ANKRD30B: variants seen among roughly 807,000 people sequenced by gnomAD.
ANKRD30B encodes ankyrin repeat domain 30B, also known as ankyrin repeat domain-containing protein 30B.
A neutral mutation model predicts 202.2 loss-of-function variants in ANKRD30B; 144 were observed. The ratio of observed to expected loss-of-function variants is 0.71; its 90% confidence interval spans 0.62 to 0.82. ANKRD30B has a LOEUF of 0.82. Ranked by LOEUF, ANKRD30B falls within the 40% of genes least tolerant of loss-of-function variation. The pLI is 0.00. For synonymous variants in ANKRD30B, 508 were observed against 561.3 expected (o/e 0.91, Z 1.34); for missense variants, 1,487 against 1,669.1 (o/e 0.89, Z 1.90).
At chr18:14,877,314 TGAATG>T in the ANKRD30B span, among the ~76,000 whole-genome samples, 1 of 118,254 alleles carries the variant, frequency 8.5e-6, no homozygotes, top group Non-Finnish European at 1.9e-5. Flanking sequence ...AAATGATGAA[TGAATG>T]AATGAATGAA....
chr18:14,764,421 G>A (rs1010493926), intron 7 of ANKRD30B, among the ~76,000 whole-genome samples: 6 of 151,804 alleles, frequency 4.0e-5, no homozygotes, highest in Admixed American at 1.3e-4. Context: ...ATGGAGTCTC[G>A]CACTGTTGCC....
the ANKRD30B span, among the ~76,000 whole-genome samples, chr18:14,890,969 C>A: frequency 6.6e-6 from 1 of 152,060 alleles, no homozygotes; most frequent in South Asian, 2.1e-4. Context: ...TTCCTTAAAT[C>A]CTGTATTTTA....
the ANKRD30B span, among the ~76,000 whole-genome samples, chr18:14,901,857 T>G: frequency 6.6e-6 from 1 of 152,184 alleles, no homozygotes; most frequent in Non-Finnish European, 1.5e-5. Context: ...CTGTTAAACC[T>G]TTGGAAGAAC....
In ANKRD30B at chr18:14,831,379, C is replaced by G; in HGVS notation, c.2775-4C>G. On this transcript the variant is annotated splice_region_variant and splice_polypyrimidine_tract_variant and intron_variant, in intron 33 of 43. Coordinates refer to ENST00000690538, the MANE Select transcript of ANKRD30B (RefSeq NM_001367607.2). ...CTCATTTTTGTTTTATCTTTTTTCT[C>G]TAGTCTTTTTGGCAAACCGACTACT... is the stretch of plus-strand genomic sequence containing the variant. The G allele has an allele frequency of 6.7e-7, 1 of 1,487,454 alleles. No homozygotes were observed. Among genetic ancestry groups the G allele is most frequent in the Non-Finnish European group, 9.1e-7 (1 of 1,100,182 alleles). 92.1% of individuals were successfully genotyped at this position (1,487,454 alleles called of 1,614,324 possible).
At chr18:14,782,477 C>A in intron 11 of ANKRD30B, 50 bp from the exon 12 acceptor site, 1 of 1,313,890 alleles carries the variant, frequency 7.6e-7, no homozygotes, top group Non-Finnish European at 1.0e-6. Flanking sequence ...AATTTTGATG[C>A]TTCTTATGAT....
the ANKRD30B span, among the ~76,000 whole-genome samples, chr18:14,908,925 T>C: frequency 7.2e-5 from 11 of 152,280 alleles, no homozygotes; most frequent in East Asian, 2.1e-3. Flanking sequence ...TATCCTGTTG[T>C]CAGGACTCAC....
chr18:14,838,759 G>A (rs115311223), intron 36 of ANKRD30B, among the ~76,000 whole-genome samples: 9 of 152,264 alleles, frequency 5.9e-5, no homozygotes, highest in African/African-American at 1.7e-4. Flanking sequence ...GAAAAAAATC[G>A]TTTAATCTAA....
chr18:14,848,751 C>G lies in ANKRD30B; in HGVS notation c.3217C>G (p.Pro1073Ala), dbSNP rs1279231033. 6.4e-7 allele frequency: 1 copy of G among 1,565,126 alleles called. No homozygotes were observed. The highest frequency in any genetic ancestry group is 1.4e-5 in the African/African-American group (1 of 73,044). ...TTLSKILDALPSCERGRELKK... is the reference protein window; with the variant it reads ...TTLSKILDALASCERGRELKK... ...CCTATCAAAAATCTTGGATGCACTT[C>G]CTTCTTGTGAAAGAGGAAGGGAACT... is the stretch of plus-strand genomic sequence containing the variant. Residue 1073 changes from proline (P) to alanine (A), a missense_variant, in exon 40 of 44, where the codon CCT becomes GCT. Transcript: ENST00000690538.
the ANKRD30B span, among the ~76,000 whole-genome samples, chr18:14,879,369 C>G: frequency 6.6e-6 from 1 of 152,228 alleles, no homozygotes; most frequent in Admixed American, 6.5e-5. Context: ...AGACATGACA[C>G]CCAAAATATG....
At chr18:14,799,012 G>A (rs1969125853) in intron 20 of ANKRD30B, 89 bp from the exon 21 acceptor site, 2 of 1,271,260 alleles carry the variant, frequency 1.6e-6, no homozygotes, top group Non-Finnish European at 2.3e-6. Flanking sequence ...GCATCATGAG[G>A]ATTCGTCTTC....
At chr18:14,831,202 G>GAAAAAAAAAAAAAAAAAAAAAAAAAAAAA (rs1434127361) in intron 33 of ANKRD30B, among the ~76,000 whole-genome samples, 181 bp from the exon 34 acceptor site, 3 of 76,924 alleles carry the variant, frequency 3.9e-5, no homozygotes, top group African/African-American at 1.6e-4. Context: ...AAAAAAAAAC[G>GAAAAAAAAAAAAAAAAAAAAAAAAAAAAA]AAAACCAGAT....
the ANKRD30B span, among the ~76,000 whole-genome samples, chr18:14,872,562 A>G: frequency 6.6e-6 from 1 of 152,090 alleles, no homozygotes; most frequent in African/African-American, 2.4e-5. Context: ...TCCTTTCCCC[A>G]AGCAACTCAG....
At position 14,837,250 on chromosome 18, in the gene ANKRD30B, G is replaced by C. The variant is rs1196748861; in HGVS notation, c.2887G>C (p.Asp963His). The C allele has an allele frequency of 1.9e-6, 3 of 1,549,224 alleles. No individual in the cohort carries two copies. The highest frequency in any genetic ancestry group is 2.6e-6 in the Non-Finnish European group (3 of 1,145,892). Reference sequence around the variant, plus strand: ...GACAGTAACTGGACAACAGGAACGTGATATTGGCATTATTGAACGAGCTCC... The same window carrying C: ...GACAGTAACTGGACAACAGGAACGTCATATTGGCATTATTGAACGAGCTCC... ...TKTVTGQQER[D>H]IGIIERAPQD... Residue 963 changes from aspartate (D) to histidine (H), a missense_variant, in exon 35 of 44, where the codon GAT (aspartate) becomes CAT (histidine). Transcript: ENST00000690538.
At chr18:14,800,727 T>G (rs1454130572) in intron 22 of ANKRD30B, among the ~76,000 whole-genome samples, 1 of 109,644 alleles carries the variant, frequency 9.1e-6, no homozygotes, top group African/African-American at 3.7e-5. Flanking sequence ...TTCCAACATG[T>G]GTACGTGGTC....
At position 14,753,715 on chromosome 18, in the gene ANKRD30B, A is replaced by G. The variant is rs180881522; in HGVS notation, c.510+703A>G. ...TTTTTCTGTATATAAACCATAAATA[A>G]TAATCTTTTATTAGAATGCCTTTAA... is the stretch of plus-strand genomic sequence containing the variant. On this transcript the variant is annotated intron_variant, in intron 3 of 43. Coordinates refer to ENST00000690538, the MANE Select transcript of ANKRD30B (RefSeq NM_001367607.2). 2.0e-3 allele frequency among the ~76,000 whole-genome samples: 299 copies of G among 152,274 alleles called. 4 individuals are homozygous for G. Among genetic ancestry groups the G allele is most frequent in the African/African-American group, 3.7e-3 (154 of 41,580 alleles).
At chr18:14,930,653 C>G in the ANKRD30B span, among the ~76,000 whole-genome samples, 1 of 152,128 alleles carries the variant, frequency 6.6e-6, no homozygotes, top group African/African-American at 2.4e-5. Flanking sequence ...CCAGGAAGTG[C>G]TGAGGCCCTT....
Position 14,854,563 on chromosome 18 carries a change from T to G in ANKRD30B, c.*405T>G, listed in dbSNP as rs778081024. Among the ~76,000 whole-genome samples the G allele has an allele frequency of 4.7e-4, 72 of 152,216 alleles. 3 individuals carry two copies. The highest frequency in any genetic ancestry group is 1.3e-4 in the Non-Finnish European group (9 of 68,040). On this transcript the variant is annotated 3_prime_UTR_variant, in exon 44 of 44. Coordinates refer to ENST00000690538, the MANE Select transcript of ANKRD30B (RefSeq NM_001367607.2). ...AGGAATGTCACAATGGACTGCAGAGTGTCATACATAGTTTTCAGTAAAATA... is the reference window on the plus strand; with the variant it reads ...AGGAATGTCACAATGGACTGCAGAGGGTCATACATAGTTTTCAGTAAAATA...
intron 15 of ANKRD30B, among the ~76,000 whole-genome samples, chr18:14,787,938 AT>A (rs969459564): frequency 6.6e-6 from 1 of 152,068 alleles, no homozygotes; most frequent in Admixed American, 6.6e-5. Context: ...ACATGACATA[AT>A]TTTTTTCTTA....
intron 39 of ANKRD30B, among the ~76,000 whole-genome samples, chr18:14,844,946 T>A (rs117053688): frequency 0.33 from 50,414 of 151,340 alleles, 9,110 homozygotes; most frequent in Non-Finnish European, 0.39. Flanking sequence ...GATTTTTTTT[T>A]AAAACTTGTT....
Sources: allele counts gnomAD v4.1 joint callset (sites outside exome capture counted in the v4.1 genomes callset), GRCh38; gene constraint gnomAD v4.1.1; transcripts MANE v1.5; gene names NCBI Gene and HGNC (gene_info 2026-07-23, HGNC 2026-07-21).